GAL3ST1: variants seen among roughly 807,000 people sequenced by gnomAD.
The protein encoded by GAL3ST1 is galactosylceramide sulfotransferase.
Under a neutral mutation model 25.0 loss-of-function variants are expected in GAL3ST1, and 13 were observed. The observed-to-expected ratio is 0.52, with a 90% CI of 0.34 to 0.83. The LOEUF is 0.83. GAL3ST1 is among the 40% of genes least tolerant of loss of function. GAL3ST1 has a pLI of 0.02. For synonymous variants in GAL3ST1, 274 were observed against 277.8 expected (o/e 0.99, Z 0.14); for missense variants, 474 against 613.6 (o/e 0.77, Z 2.40).
At chr22:30,571,806 G>C (rs890632608) in intron 1 of GAL3ST1, among the ~76,000 whole-genome samples, 1 of 152,198 alleles carries the variant, frequency 6.6e-6, no homozygotes, top group Non-Finnish European at 1.5e-5. Flanking sequence ...GGAGCTTGCA[G>C]TGAGCCGAGA....
chr22:30,559,426 A>G (rs575628138), intron 1 of GAL3ST1, among the ~76,000 whole-genome samples: 37 of 152,092 alleles, frequency 2.4e-4, no homozygotes, highest in Non-Finnish European at 1.2e-4. Context: ...TTTTTAGTAG[A>G]GATGGAGTTT....
chr22:30,559,438 A>T (rs1022821136), intron 1 of GAL3ST1, among the ~76,000 whole-genome samples: 3 of 152,022 alleles, frequency 2.0e-5, no homozygotes, highest in Non-Finnish European at 4.4e-5. Context: ...ATGGAGTTTC[A>T]CCATGTTGGC....
intron 1 of GAL3ST1, among the ~76,000 whole-genome samples, chr22:30,571,328 A>G (rs905512105): frequency 2.0e-5 from 3 of 152,092 alleles, no homozygotes; most frequent in Non-Finnish European, 2.9e-5. Context: ...GCCCCTCTAG[A>G]ATGGGGTGCT....
chr22:30,570,248 G>A (rs1374932166), intron 1 of GAL3ST1, among the ~76,000 whole-genome samples: 2 of 152,170 alleles, frequency 1.3e-5, no homozygotes, highest in Non-Finnish European at 2.9e-5. Flanking sequence ...GATATGGAAG[G>A]AGCTTTCAAG....
chr22:30,570,717 C>T (rs2086754934), intron 1 of GAL3ST1, among the ~76,000 whole-genome samples: 1 of 151,160 alleles, frequency 6.6e-6, no homozygotes, highest in Admixed American at 6.6e-5. Flanking sequence ...ACCTGGGAGG[C>T]GGAGGTTGCA....
intron 1 of GAL3ST1, among the ~76,000 whole-genome samples, chr22:30,559,132 TG>T (rs2086219082): frequency 6.6e-6 from 1 of 152,080 alleles, no homozygotes; most frequent in Non-Finnish European, 1.5e-5. Flanking sequence ...TATTCCTGCC[TG>T]GGTGACAGAG....
intron 1 of GAL3ST1, among the ~76,000 whole-genome samples, chr22:30,570,661 T>C (rs1156462797): frequency 6.6e-6 from 1 of 152,098 alleles, no homozygotes; most frequent in African/African-American, 2.4e-5. Context: ...CTGGGCATGG[T>C]GGCGCATGCC....
At chr22:30,562,943 C>G (rs190719088) in intron 1 of GAL3ST1, among the ~76,000 whole-genome samples, 1 of 152,054 alleles carries the variant, frequency 6.6e-6, no homozygotes, top group Non-Finnish European at 1.5e-5. Flanking sequence ...GCTGAAACAC[C>G]GTCTCTACTA....
At chr22:30,574,322 C>A (rs1453982085) in intron 1 of GAL3ST1, 144 bp downstream of exon 1, 2 of 152,382 alleles carry the variant, frequency 1.3e-5, no homozygotes, top group East Asian at 1.9e-4. Flanking sequence ...GTACCCAGCG[C>A]TTAGAACAGC....
intron 1 of GAL3ST1, chr22:30,566,002 A>C (rs2146413407): frequency 6.6e-6 from 1 of 152,258 alleles, no homozygotes; most frequent in East Asian, 1.9e-4. Context: ...TCATAGGCTA[A>C]GCAGCTGCCA....
chr22:30,556,061 GGTGGAGAGCAGGAC>G lies in GAL3ST1; in HGVS notation c.150_163del (p.Ser51CysfsTer55). 6.2e-7 allele frequency: 1 copy of G among 1,611,124 alleles called. No homozygotes were observed. ...GATCACTGCCTCTGGCTCGAGTGCA[GGTGGAGAGCAGGAC>G]GCTGCGGCCTCCGGGGTCCTGCTGG... On this transcript the variant is annotated frameshift_variant, in exon 4 of 4. Coordinates refer to ENST00000406361, the MANE Select transcript of GAL3ST1 (RefSeq NM_001318104.2). LOFTEE classifies it high-confidence loss of function.
intron 1 of GAL3ST1, among the ~76,000 whole-genome samples, 156 bp downstream of exon 1, chr22:30,574,310 G>T (rs1278542495): frequency 2.6e-5 from 4 of 152,104 alleles, no homozygotes; most frequent in African/African-American, 9.7e-5. Flanking sequence ...CAGTGGGCAG[G>T]GGTACCCAGC....
At chr22:30,561,638 G>A (rs1031728650) in intron 1 of GAL3ST1, among the ~76,000 whole-genome samples, 2 of 152,202 alleles carry the variant, frequency 1.3e-5, no homozygotes, top group African/African-American at 4.8e-5. Context: ...CAAGCCCAGG[G>A]GAAGGAAGGA....
intron 2 of GAL3ST1, 22 bp from the exon 3 acceptor site, chr22:30,557,423 G>A: frequency 1.2e-6 from 2 of 1,613,128 alleles, no homozygotes; most frequent in Non-Finnish European, 8.5e-7. Context: ...GCACAGAGTA[G>A]GGCAAGTGTC....
At chr22:30,574,035 T>A (rs2086842688) in intron 1 of GAL3ST1, among the ~76,000 whole-genome samples, 2 of 152,136 alleles carry the variant, frequency 1.3e-5, no homozygotes. Context: ...CGGTTCCTGC[T>A]CTGATCCCCT....
At chr22:30,556,548 C>G (rs556193095) in intron 3 of GAL3ST1, among the ~76,000 whole-genome samples, 1 of 152,248 alleles carries the variant, frequency 6.6e-6, no homozygotes, top group East Asian at 1.9e-4. Context: ...CATGAGGAAA[C>G]GGGAGAGCCT....
At chr22:30,557,091 C>A (rs1187387999) in intron 3 of GAL3ST1, among the ~76,000 whole-genome samples, 171 bp downstream of exon 3, 1 of 152,226 alleles carries the variant, frequency 6.6e-6, no homozygotes, top group Non-Finnish European at 1.5e-5. Context: ...CTCAGAGTTA[C>A]ACGGCGAGCT....
intron 1 of GAL3ST1, chr22:30,560,322 G>C (rs1174720446): frequency 1.3e-5 from 2 of 152,122 alleles, no homozygotes; most frequent in Non-Finnish European, 2.9e-5. Flanking sequence ...CCAGCACTGT[G>C]ATTTCAGACA....
chr22:30,555,961 G>A lies in GAL3ST1; in HGVS notation c.264C>T (p.Ser88=), dbSNP rs61739203. The A allele has an allele frequency of 0.02, 32,974 of 1,613,948 alleles. 509 individuals are homozygous for A. The highest frequency in any genetic ancestry group is 0.058 in the Middle Eastern group (349 of 6,062). ...GGAACAGGATGTTGAGCAGGGTGCT[G>A]CTGGCCGTCTTGTGCGTCTTCAAGA... ...IVFLKTHKTA[S]STLLNILFRF... is the part of the protein sequence containing the mutation. Residue 88 remains serine (S), a synonymous_variant, in exon 4 of 4, where the codon AGC becomes AGT. Coordinates refer to ENST00000406361, the MANE Select transcript of GAL3ST1 (RefSeq NM_001318104.2). This position sits in a 1 kb window ranked among gnomAD's most constrained non-coding sequence, Gnocchi z 8.6.
Sources: gnomAD v4.1 joint callset for allele counts (sites outside exome capture counted in the v4.1 genomes callset) on GRCh38, gnomAD v4.1.1 for gene constraint, Gnocchi (gnomAD v3.1) non-coding constraint, MANE v1.5 for transcripts, NCBI Gene and HGNC (gene_info 2026-07-23, HGNC 2026-07-21) for gene names.